Variants in TENM2 observed in about 807,000 individuals in gnomAD.
TENM2 encodes teneurin-2.
Under a neutral mutation model 245.2 loss-of-function variants are expected in TENM2, and 52 were observed. The ratio of observed to expected loss-of-function variants is 0.21; its 90% CI spans 0.17 to 0.27. The LOEUF (loss-of-function observed/expected upper bound fraction) is 0.27, where lower values mean the gene tolerates loss of function less well. Among genes scored for constraint, TENM2 ranks in the 10% least tolerant of loss-of-function variants. The probability of loss-of-function intolerance (pLI) is 1.00; values close to 1 mark genes in which losing one functional copy is unlikely to be tolerated. For synonymous variants in TENM2, 1,363 were observed against 1,438.9 expected (o/e 0.95, Z 1.19); for missense variants, 3,046 against 3,666.8 (o/e 0.83, Z 4.37).
chr5:167,217,740 T>G, the TENM2 span, among the ~76,000 whole-genome samples: 28,918 of 147,636 alleles, frequency 0.2, 3,151 homozygotes, highest in African/African-American at 0.3. Context: ...ATATATAATA[T>G]ATGTGATATG....
At chr5:167,997,620 GT>G (rs2152029893) in intron 5 of TENM2, among the ~76,000 whole-genome samples, 1 of 152,294 alleles carries the variant, frequency 6.6e-6, no homozygotes, top group South Asian at 2.1e-4. Context: ...AAATGAACAG[GT>G]ATGGCTGTGC....
At chr5:167,266,837 G>A in the TENM2 span, among the ~76,000 whole-genome samples, 16,592 of 152,108 alleles carry the variant, frequency 0.11, 1,079 homozygotes, top group East Asian at 0.26. Context: ...AAGTCACGCC[G>A]GTTCATGAAA....
At chr5:167,304,036 C>T (rs531102380) in intron 1 of TENM2, among the ~76,000 whole-genome samples, 1 of 152,350 alleles carries the variant, frequency 6.6e-6, no homozygotes, top group South Asian at 2.1e-4. Context: ...TTTGGCACAA[C>T]ATCCTGGCTT....
chr5:167,975,915 T>C (rs1277363514), intron 4 of TENM2, among the ~76,000 whole-genome samples: 1 of 152,076 alleles, frequency 6.6e-6, no homozygotes, highest in Non-Finnish European at 1.5e-5. Flanking sequence ...AAATCTATAA[T>C]AAGCAAAAAG....
At chr5:168,040,903 G>A (rs766076721) in intron 5 of TENM2, among the ~76,000 whole-genome samples, 1 of 152,186 alleles carries the variant, frequency 6.6e-6, no homozygotes, top group African/African-American at 2.4e-5. Context: ...TTTATTTTAC[G>A]TTGACAATGG....
Position 168,095,135 on chromosome 5 carries a change from G to A in TENM2, c.1712-2891G>A, listed in dbSNP as rs376245585. Among the ~76,000 whole-genome samples the A allele has an allele frequency of 2.0e-4, 31 of 152,222 alleles. No individual in the cohort carries two copies. The East Asian group carries it at 4.8e-3, about 24-fold the overall frequency. Reference sequence around the variant, plus strand: ...AATGTAATAATAATAGAAATAAAATGCACAGTAAATGTGTGTGCTTGAATC... The same window carrying A: ...AATGTAATAATAATAGAAATAAAATACACAGTAAATGTGTGTGCTTGAATC... On this transcript the variant is annotated intron_variant, in intron 8 of 28. Coordinates refer to ENST00000518659, the Ensembl canonical transcript of TENM2.
intron 2 of TENM2, among the ~76,000 whole-genome samples, chr5:167,667,455 A>G (rs1295746658): frequency 6.6e-6 from 1 of 152,180 alleles, no homozygotes; most frequent in Admixed American, 6.5e-5. Context: ...TTTATTAGAC[A>G]AAGCCGAGTC....
At chr5:167,353,534 G>A (rs1446957163) in intron 1 of TENM2, among the ~76,000 whole-genome samples, 1 of 113,866 alleles carries the variant, frequency 8.8e-6, no homozygotes, top group Admixed American at 1.1e-4. Flanking sequence ...TTGAGACGGA[G>A]TCTCGCTCTG....
intron 2 of TENM2, among the ~76,000 whole-genome samples, chr5:167,511,522 G>A (rs752859875): frequency 2.0e-5 from 3 of 152,090 alleles, no homozygotes; most frequent in Non-Finnish European, 4.4e-5. Flanking sequence ...CATACAAATA[G>A]TTGACTTAAA....
At chr5:167,827,618 G>A (rs1026115584) in intron 2 of TENM2, among the ~76,000 whole-genome samples, 1 of 119,844 alleles carries the variant, frequency 8.3e-6, no homozygotes, top group East Asian at 2.5e-4. Flanking sequence ...ATGGCAAGGA[G>A]CTAGGTGGGC....
chr5:166,989,346 G>A, the TENM2 span, among the ~76,000 whole-genome samples: 12 of 128,848 alleles, frequency 9.3e-5, no homozygotes, highest in East Asian at 1.8e-3. Flanking sequence ...TGCAACCTCC[G>A]CCTTCCAGGT....
rs188772715 is a variant in TENM2, at chr5:167,526,677, G to A, written c.502+151204G>A. Reference sequence around the variant, plus strand: ...TTAATACTTAAGAAAAATTTCTCTGGATCTTTACTCCTAGGAAGTTAGATT... The same window carrying A: ...TTAATACTTAAGAAAAATTTCTCTGAATCTTTACTCCTAGGAAGTTAGATT... On this transcript the variant is annotated intron_variant, in intron 2 of 28. Coordinates refer to ENST00000518659, the Ensembl canonical transcript of TENM2. 2.3e-4 allele frequency among the ~76,000 whole-genome samples: 35 copies of A among 151,878 alleles called. No individual in the cohort carries two copies. The East Asian group carries it at 6.6e-3, about 29-fold the overall frequency.
chr5:167,894,921 AGAAGGAAG>A (rs368233260), intron 3 of TENM2, among the ~76,000 whole-genome samples: 15,169 of 82,712 alleles, frequency 0.18, 1,562 homozygotes, highest in Non-Finnish European at 0.21. Context: ...CACCCTGGAA[AGAAGGAAG>A]GAAGGAAGGA....
At chr5:168,023,768 G>A (rs914719221) in intron 5 of TENM2, among the ~76,000 whole-genome samples, 4 of 152,148 alleles carry the variant, frequency 2.6e-5, no homozygotes, top group African/African-American at 9.7e-5. Flanking sequence ...CTGGAAAGGG[G>A]GACATGACAT....
the TENM2 span, among the ~76,000 whole-genome samples, chr5:167,263,625 A>G: frequency 6.6e-6 from 1 of 152,142 alleles, no homozygotes; most frequent in South Asian, 2.1e-4. Flanking sequence ...TATTTCTATA[A>G]TGATTTTTTA....
chr5:167,640,427 G>A (rs1466379745), intron 2 of TENM2, among the ~76,000 whole-genome samples: 1 of 152,026 alleles, frequency 6.6e-6, no homozygotes, highest in East Asian at 1.9e-4. Flanking sequence ...AGACCAGCCT[G>A]GCCAACATGG....
At chr5:167,795,074 A>C (rs2150916621) in intron 2 of TENM2, among the ~76,000 whole-genome samples, 1 of 152,324 alleles carries the variant, frequency 6.6e-6, no homozygotes, top group African/African-American at 2.4e-5. Context: ...CAATTCATTA[A>C]GCTTACCTGA....
Position 168,053,087 on chromosome 5 carries a change from G to A in TENM2, c.1309+5538G>A, listed in dbSNP as rs536541577. Among the ~76,000 whole-genome samples the A allele has an allele frequency of 5.3e-5, 8 of 152,168 alleles. No individual in the cohort carries two copies. The East Asian group carries it at 7.7e-4, about 15-fold the overall frequency. ...CCCTATATGGGGCTTTTCCAAAGTCGGTGAAGTTCCCAGAAGGGCAAAGGG... is the reference window on the plus strand; with the variant it reads ...CCCTATATGGGGCTTTTCCAAAGTCAGTGAAGTTCCCAGAAGGGCAAAGGG... On this transcript the variant is annotated intron_variant, in intron 6 of 28. Coordinates refer to ENST00000518659, the Ensembl canonical transcript of TENM2.
At chr5:167,155,900 C>G in the TENM2 span, among the ~76,000 whole-genome samples, 2 of 152,190 alleles carry the variant, frequency 1.3e-5, no homozygotes, top group East Asian at 1.9e-4. Flanking sequence ...CAGGCGCGCT[C>G]TCTTCTTCTA....
Sources: allele counts gnomAD v4.1 joint callset (sites outside exome capture counted in the v4.1 genomes callset), GRCh38; gene constraint gnomAD v4.1.1; transcripts MANE v1.5; gene names NCBI Gene and HGNC (gene_info 2026-07-23, HGNC 2026-07-21).